INTS6: variants seen among roughly 807,000 people sequenced by gnomAD.
INTS6 encodes integrator complex subunit 6.
Under a neutral mutation model 104.9 loss-of-function variants are expected in INTS6, and 16 were observed. That is an observed-to-expected ratio of 0.15 (90% confidence interval 0.10 to 0.23). The LOEUF (loss-of-function observed/expected upper bound fraction) is 0.23. INTS6 is among the 10% of genes least tolerant of loss of function. INTS6 has a pLI of 1.00. For missense variants in INTS6, 584 were observed against 1,062.8 expected (o/e 0.55, Z 6.26); for synonymous variants, 324 against 358.7 (o/e 0.90, Z 1.09).
chr13:51,377,790 T>G (rs1955963406), intron 12 of INTS6, among the ~76,000 whole-genome samples: 1 of 152,130 alleles, frequency 6.6e-6, no homozygotes, highest in African/African-American at 2.4e-5. Context: ...GTTTTGGCTA[T>G]TCCAGGACCT....
chr13:51,344,335 AG>A, the INTS6 span: 2 of 1,613,738 alleles, frequency 1.2e-6, no homozygotes, highest in Non-Finnish European at 1.7e-6. Context: ...GCTGGCCTGC[AG>A]CCTTTTTGTG....
chr13:51,439,642 C>T (rs933861762), intron 3 of INTS6: 1 of 152,226 alleles, frequency 6.6e-6, no homozygotes, highest in South Asian at 2.1e-4. Flanking sequence ...CCCATCCCAA[C>T]CATCACCAAC....
Position 51,452,132 on chromosome 13 carries a change from C to T in INTS6, c.112-77G>A. On this transcript the variant is annotated intron_variant, in intron 1 of 17. Coordinates refer to ENST00000311234, the MANE Select transcript of INTS6 (RefSeq NM_012141.3). The surrounding 1 kb of genome is among the most constrained non-coding windows in gnomAD (Gnocchi z 4.2). ...GGTTACGAGGCGGAGAAGGGGCGCCCAGCGGCCCCGCCGCCCCCACAGTAC... is the reference window on the plus strand; with the variant it reads ...GGTTACGAGGCGGAGAAGGGGCGCCTAGCGGCCCCGCCGCCCCCACAGTAC... The T allele has an allele frequency of 5.8e-6, 8 of 1,385,892 alleles. No individual in the cohort carries two copies. The highest frequency in any genetic ancestry group is 8.1e-6 in the Non-Finnish European group (8 of 992,784). The allele number at this position is 1,385,892 out of a possible 1,614,324, so 85.8% of individuals were successfully genotyped here.
chr13:51,402,228 G>A (rs113803638), intron 4 of INTS6, among the ~76,000 whole-genome samples: 1,727 of 152,214 alleles, frequency 0.011, 26 homozygotes, highest in East Asian at 0.071. Context: ...TTTACATACA[G>A]TATTTACAAC....
intron 3 of INTS6, chr13:51,355,288 C>T: frequency 1.7e-6 from 1 of 574,516 alleles, no homozygotes; most frequent in East Asian, 2.9e-5. Flanking sequence ...TGTGTTGCTT[C>T]TAATAACAGT....
chr13:51,447,292 G>A (rs1226105196), intron 3 of INTS6: 2 of 152,020 alleles, frequency 1.3e-5, no homozygotes, highest in Non-Finnish European at 2.9e-5. Context: ...TCAAAAAGAA[G>A]CCTGTATTTC....
intron 3 of INTS6, chr13:51,450,464 T>C: frequency 3.0e-6 from 3 of 985,432 alleles, no homozygotes; most frequent in Non-Finnish European, 3.6e-6. Context: ...GGGCCTGAAA[T>C]TTAATTCAGA....
intron 5 of INTS6, 97 bp downstream of exon 5, chr13:51,395,203 A>G: frequency 8.3e-7 from 1 of 1,207,616 alleles, no homozygotes; most frequent in Non-Finnish European, 1.1e-6. Flanking sequence ...TTAACTTGTG[A>G]AATAAAAACA....
Position 51,418,752 on chromosome 13 carries a change from T to C in INTS6, c.429+11542A>G, listed in dbSNP as rs557401764. Among the ~76,000 whole-genome samples the C allele has an allele frequency of 3.3e-5, 5 of 152,326 alleles. No homozygotes were observed. In the East Asian group the frequency reaches 7.7e-4, roughly 23 times the overall value. On this transcript the variant is annotated intron_variant, in intron 4 of 17. Transcript: ENST00000311234. ...AGAGCAATCACTTGACAACCTGCAA[T>C]ACTGAAATACTTTCTTCAACAAAGT...
At chr13:51,336,225 C>T in the INTS6 span, among the ~76,000 whole-genome samples, 2 of 152,170 alleles carry the variant, frequency 1.3e-5, no homozygotes, top group South Asian at 4.1e-4. Context: ...CGGTGGCTCA[C>T]GCTTGTAATC....
intron 13 of INTS6, among the ~76,000 whole-genome samples, chr13:51,375,476 TA>T (rs35989339): frequency 9.9e-4 from 145 of 146,340 alleles, no homozygotes; most frequent in Non-Finnish European, 1.1e-3. Flanking sequence ...TACAGTATGG[TA>T]AAAAAAAAAA....
intron 13 of INTS6, among the ~76,000 whole-genome samples, chr13:51,375,737 GT>G (rs1566208999): frequency 6.7e-5 from 7 of 104,798 alleles, no homozygotes; most frequent in Non-Finnish European, 1.2e-4. Context: ...ATAAGTGGGT[GT>G]GTGTGTGTGT....
chr13:51,351,636 T>C (rs1955403957), downstream of INTS6, among the ~76,000 whole-genome samples: 1 of 152,138 alleles, frequency 6.6e-6, no homozygotes, highest in South Asian at 2.1e-4. Flanking sequence ...TTAATTTGGA[T>C]GAAGCTCAAT....
chr13:51,440,369 TA>T (rs1364363828), intron 3 of INTS6: 1 of 152,108 alleles, frequency 6.6e-6, no homozygotes, highest in Non-Finnish European at 1.5e-5. Context: ...TAAAAAGAGT[TA>T]AAAAGTTTTA....
At chr13:51,375,417 T>C (rs957245661) in intron 13 of INTS6, among the ~76,000 whole-genome samples, 2 of 151,122 alleles carry the variant, frequency 1.3e-5, no homozygotes, top group Non-Finnish European at 2.9e-5. Flanking sequence ...TTCTGCGCTA[T>C]TCCAAATAAA....
At chr13:51,344,394 G>C in the INTS6 span, 1 of 1,612,444 alleles carries the variant, frequency 6.2e-7, no homozygotes, top group Admixed American at 1.7e-5. Context: ...ACGTCTCCTG[G>C]TGGGCTAACA....
intron 4 of INTS6, among the ~76,000 whole-genome samples, chr13:51,427,646 T>C (rs867334998): frequency 2.0e-5 from 3 of 152,192 alleles, no homozygotes; most frequent in African/African-American, 2.4e-5. Context: ...CACCGGCCTA[T>C]GTTCCAACTT....
downstream of INTS6, among the ~76,000 whole-genome samples, chr13:51,358,094 T>C (rs1036196201): frequency 3.3e-5 from 5 of 152,102 alleles, no homozygotes; most frequent in East Asian, 9.7e-4. Flanking sequence ...CATAGCCTAA[T>C]TTCAAAGGCC....
At chr13:51,434,005 T>C (rs1351240556) in intron 3 of INTS6, among the ~76,000 whole-genome samples, 11 of 152,208 alleles carry the variant, frequency 7.2e-5, no homozygotes, top group Admixed American at 5.2e-4. Context: ...CTATTCTAAT[T>C]CTAAAATCCA....
Sources: allele counts gnomAD v4.1 joint callset (sites outside exome capture counted in the v4.1 genomes callset), GRCh38; gene constraint gnomAD v4.1.1; non-coding constraint Gnocchi (gnomAD v3.1); transcripts MANE v1.5; gene names NCBI Gene and HGNC (gene_info 2026-07-23, HGNC 2026-07-21).